Variants in CATSPERB observed in about 807,000 individuals in gnomAD.
The protein encoded by CATSPERB is catsper channel auxiliary subunit beta.
A neutral mutation model predicts 128.3 loss-of-function variants in CATSPERB; 93 were observed. That is an observed-to-expected ratio of 0.72 (90% CI 0.61 to 0.86). The LOEUF is 0.86. Among genes scored for constraint, CATSPERB ranks in the 40% least tolerant of loss-of-function variants. The probability of loss-of-function intolerance (pLI) is 0.00; values close to 1 mark genes in which losing one functional copy is unlikely to be tolerated. For synonymous variants in CATSPERB, 381 were observed against 448.8 expected, an observed-to-expected ratio of 0.85 and a Z score of 1.91; for missense variants, 1,153 against 1,329.5, an observed-to-expected ratio of 0.87 and a Z score of 2.06.
intron 4 of CATSPERB, among the ~76,000 whole-genome samples, chr14:91,721,930 G>T (rs1237061870): frequency 2.0e-5 from 3 of 152,004 alleles, no homozygotes; most frequent in African/African-American, 7.2e-5. Context: ...AGGTGTGCTG[G>T]TGTGCACTTG....
chr14:91,684,577 C>A (rs1454103353), intron 10 of CATSPERB, among the ~76,000 whole-genome samples: 1 of 146,408 alleles, frequency 6.8e-6, no homozygotes, highest in Non-Finnish European at 1.5e-5. Context: ...TATCTAATGA[C>A]AAAACTTGAA....
At chr14:91,582,383 T>C (rs1006842992) in intron 26 of CATSPERB, among the ~76,000 whole-genome samples, 3 of 152,120 alleles carry the variant, frequency 2.0e-5, no homozygotes, top group South Asian at 4.1e-4. Context: ...CCAAATGGAT[T>C]TGAGCTATTC....
intron 16 of CATSPERB, among the ~76,000 whole-genome samples, chr14:91,638,209 C>A (rs1227348693): frequency 6.6e-6 from 1 of 152,068 alleles, no homozygotes; most frequent in African/African-American, 2.4e-5. Context: ...TGAGAGTGTC[C>A]AGTTTTGTAA....
In CATSPERB at chr14:91,666,108, C is replaced by G. The variant is rs1340838666; in HGVS notation, c.1287+3706G>C. On this transcript the variant is annotated intron_variant, in intron 14 of 26. Transcript: ENST00000256343. Reference sequence around the variant, plus strand: ...TCTCTCAGCAGTCTACTCTAGATCTCTTGAACTTTCTAGCTAATCAAGGGT... The same window carrying G: ...TCTCTCAGCAGTCTACTCTAGATCTGTTGAACTTTCTAGCTAATCAAGGGT... 2.6e-5 allele frequency among the ~76,000 whole-genome samples: 4 copies of G among 152,164 alleles called. No individual in the cohort carries two copies. In the East Asian group the frequency reaches 7.7e-4, roughly 29 times the overall value.
chr14:91,663,436 G>A (rs1190515753), intron 14 of CATSPERB, among the ~76,000 whole-genome samples: 1 of 152,080 alleles, frequency 6.6e-6, no homozygotes, highest in Non-Finnish European at 1.5e-5. Flanking sequence ...ACGAGGTCAG[G>A]AGATCGAGAC....
At chr14:91,615,966 G>A (rs1048132060) in intron 20 of CATSPERB, among the ~76,000 whole-genome samples, 6 of 143,212 alleles carry the variant, frequency 4.2e-5, no homozygotes, top group African/African-American at 1.0e-4. Context: ...TGCAACTTCC[G>A]CCTCCCGTGG....
chr14:91,638,855 A>G (rs1894431480), intron 16 of CATSPERB, among the ~76,000 whole-genome samples: 1 of 152,216 alleles, frequency 6.6e-6, no homozygotes, highest in Admixed American at 6.5e-5. Flanking sequence ...TTCTGCTGCG[A>G]AGATATTTGC....
intron 20 of CATSPERB, among the ~76,000 whole-genome samples, chr14:91,616,289 C>T (rs1893934276): frequency 6.6e-6 from 1 of 152,104 alleles, no homozygotes; most frequent in Non-Finnish European, 1.5e-5. Context: ...TCTTTCATCA[C>T]TTTGTACCTC....
intron 15 of CATSPERB, among the ~76,000 whole-genome samples, chr14:91,659,410 G>T (rs1894837617): frequency 6.6e-6 from 1 of 152,214 alleles, no homozygotes; most frequent in South Asian, 2.1e-4. Flanking sequence ...ATTACCAAAT[G>T]AAAGAGATGA....
At chr14:91,598,712 G>T (rs1893553726) in intron 22 of CATSPERB, among the ~76,000 whole-genome samples, 1 of 152,028 alleles carries the variant, frequency 6.6e-6, no homozygotes, top group Admixed American at 6.5e-5. Context: ...CAAAAAATTA[G>T]CCAGGCGTGG....
chr14:91,719,874 A>T (rs1896001205), intron 4 of CATSPERB, among the ~76,000 whole-genome samples: 1 of 152,188 alleles, frequency 6.6e-6, no homozygotes, highest in Non-Finnish European at 1.5e-5. Context: ...GAATAAGGAA[A>T]CTGCAAGAAT....
At chr14:91,731,329 TTTTCCCTTCAATATTACA>T (rs1324641581) in intron 1 of CATSPERB, among the ~76,000 whole-genome samples, 1 of 152,216 alleles carries the variant, frequency 6.6e-6, no homozygotes, top group Non-Finnish European at 1.5e-5. Flanking sequence ...ATTCTTCTTA[TTTTCCCTTCAATATTACA>T]ACTTTTCCTT....
intron 22 of CATSPERB, among the ~76,000 whole-genome samples, chr14:91,604,054 A>G (rs758273656): frequency 3.1e-5 from 4 of 128,814 alleles, no homozygotes; most frequent in Non-Finnish European, 6.3e-5. Context: ...TCTTTTATGG[A>G]GTCTCACTCT....
At chr14:91,677,321 CAAGAATCTACA>C (rs1352325115) in intron 11 of CATSPERB, among the ~76,000 whole-genome samples, 2 of 151,412 alleles carry the variant, frequency 1.3e-5, no homozygotes, top group Admixed American at 6.6e-5. Flanking sequence ...GTAATCTACC[CAAGAATCTACA>C]AAGAATCTAC....
At chr14:91,676,870 C>CA (rs545391092) in intron 11 of CATSPERB, among the ~76,000 whole-genome samples, 97 of 152,304 alleles carry the variant, frequency 6.4e-4, no homozygotes, top group African/African-American at 2.3e-3. Flanking sequence ...GGTACCAAAA[C>CA]AGACATCTAG....
At chr14:91,688,063 A>ATCACTAG (rs2139842679) in intron 10 of CATSPERB, among the ~76,000 whole-genome samples, 1 of 152,172 alleles carries the variant, frequency 6.6e-6, no homozygotes, top group East Asian at 1.9e-4. Flanking sequence ...AGCATTTCTT[A>ATCACTAG]TCACTAGTCC....
chr14:91,664,996 C>T (rs1204542472), intron 14 of CATSPERB, among the ~76,000 whole-genome samples: 1 of 152,118 alleles, frequency 6.6e-6, no homozygotes, highest in Admixed American at 6.5e-5. Flanking sequence ...CTCAAGGAAA[C>T]CTTCCACCTC....
intron 15 of CATSPERB, among the ~76,000 whole-genome samples, chr14:91,657,294 A>G (rs1894804514): frequency 6.6e-6 from 1 of 152,164 alleles, no homozygotes; most frequent in Non-Finnish European, 1.5e-5. Context: ...ATCCATATCC[A>G]TATGCAGAAG....
intron 15 of CATSPERB, among the ~76,000 whole-genome samples, chr14:91,645,929 G>T (rs879858384): frequency 1.4e-5 from 2 of 146,642 alleles, no homozygotes; most frequent in African/African-American, 5.0e-5. Context: ...TTTTTAAGCC[G>T]GTCTGAAAAG....
Sources: allele counts gnomAD v4.1 joint callset (sites outside exome capture counted in the v4.1 genomes callset), GRCh38; gene constraint gnomAD v4.1.1; transcripts MANE v1.5; gene names NCBI Gene and HGNC (gene_info 2026-07-23, HGNC 2026-07-21).